Variants in GDF3 observed in about 807,000 individuals in gnomAD.
GDF3 encodes growth differentiation factor 3.
Under a neutral mutation model 10.2 loss-of-function variants are expected in GDF3, and 10 were observed. The observed-to-expected ratio is 0.98, with a 90% CI of 0.60 to 1.66. The LOEUF (loss-of-function observed/expected upper bound fraction) is 1.66. Ranked by LOEUF, GDF3 falls within the 40% of genes most tolerant of loss-of-function variation. The pLI, the probability that GDF3 is intolerant of heterozygous loss-of-function variation, is 0.00. For synonymous variants in GDF3, 166 were observed against 178.5 expected, an observed-to-expected ratio of 0.93 and a Z score of 0.56; for missense variants, 450 against 438.3, an observed-to-expected ratio of 1.03 and a Z score of -0.24.
At chr12:7,690,880 G>C (rs187061802) in intron 1 of GDF3, among the ~76,000 whole-genome samples, 176 bp from the exon 2 acceptor site, 82 of 152,130 alleles carry the variant, frequency 5.4e-4, no homozygotes, top group Non-Finnish European at 1.0e-3. Context: ...CCCCAGGTGC[G>C]GCGGCTCACG....
intron 1 of GDF3, among the ~76,000 whole-genome samples, chr12:7,694,208 C>A (rs1349396838): frequency 6.6e-6 from 1 of 151,980 alleles, no homozygotes; most frequent in African/African-American, 2.4e-5. Flanking sequence ...TCAACTCTTG[C>A]AGAATTTTGC....
chr12:7,694,382 T>C (rs941150365), intron 1 of GDF3, among the ~76,000 whole-genome samples: 7 of 151,698 alleles, frequency 4.6e-5, no homozygotes, highest in African/African-American at 1.7e-4. Flanking sequence ...GGCCAACATA[T>C]AGTGAAACCC....
chr12:7,695,764 CACT>C lies in GDF3; in HGVS notation c.-39_-37del, dbSNP rs1565450527. Reference sequence around the variant, plus strand: ...GTGGCTGTCAGACCGGGGAGAGCTCCACTGCCAGACTGCCCAACAATTCAGAGG... The same window carrying C: ...GTGGCTGTCAGACCGGGGAGAGCTCCGCCAGACTGCCCAACAATTCAGAGG... On this transcript the variant is annotated 5_prime_UTR_variant, in exon 1 of 2. Coordinates refer to ENST00000329913, the MANE Select transcript of GDF3 (RefSeq NM_020634.3). 6.2e-7 allele frequency: 1 copy of C among 1,611,606 alleles called. No homozygotes were observed. The highest frequency in any genetic ancestry group is 1.1e-5 in the South Asian group (1 of 90,840).
chr12:7,695,612 A>C lies in GDF3; in HGVS notation c.117T>G (p.Pro39=). Residue 39 remains proline, a synonymous_variant, in exon 1 of 2, where the codon CCT becomes CCG. Transcript: ENST00000329913. ...FLQFLGLDKA[P]SPQKFQPVPY... ...GCACAGGTTGGAACTTCTGGGGTGA[A>C]GGCGCCTTATCTAAGCCCAGAAATT... The C allele has an allele frequency of 6.2e-7, 1 of 1,614,124 alleles. No homozygotes were observed. Among genetic ancestry groups the C allele is most frequent in the East Asian group, 2.2e-5 (1 of 44,888 alleles).
rs374666455 is a variant in GDF3, at chr12:7,690,578, C to T, written c.395G>A (p.Gly132Glu). ...TCCCAGGTTATAGTAAGAATTGGGCCCCAAGTCCAGGCCCAGCTGGGCCAA... is the reference window on the plus strand; with the variant it reads ...TCCCAGGTTATAGTAAGAATTGGGCTCCAAGTCCAGGCCCAGCTGGGCCAA... ...LTLAQLGLDL[G>E]PNSYYNLGPE... Residue 132 changes from glycine to glutamate, a missense_variant, in exon 2 of 2, where the codon GGG (glycine) becomes GAG (glutamate). Gly to Glu is a moderately conservative substitution (Grantham distance 98). Coordinates refer to ENST00000329913, the MANE Select transcript of GDF3 (RefSeq NM_020634.3). 1.6e-5 allele frequency: 26 copies of T among 1,605,202 alleles called. No homozygotes were observed. Among genetic ancestry groups the T allele is most frequent in the Non-Finnish European group, 2.0e-5 (24 of 1,175,704 alleles).
At chr12:7,692,680 T>G (rs2136877549) in intron 1 of GDF3, among the ~76,000 whole-genome samples, 1 of 152,096 alleles carries the variant, frequency 6.6e-6, no homozygotes. Context: ...CTAATTGTAT[T>G]TTTAGTAGAG....
chr12:7,691,772 C>T lies in GDF3; in HGVS notation c.269-1068G>A, dbSNP rs759568486. ...CCTGTAATCCCAGCACTTTGGGAGG[C>T]CGAGGCGGGCGGATCACGAGATGAG... On this transcript the variant is annotated intron_variant, in intron 1 of 1. Transcript: ENST00000329913. Among the ~76,000 whole-genome samples the T allele has an allele frequency of 6.2e-3, 906 of 145,846 alleles. 15 individuals are homozygous for T. Among genetic ancestry groups the T allele is most frequent in the South Asian group, 0.049 (221 of 4,502 alleles).
intron 1 of GDF3, among the ~76,000 whole-genome samples, chr12:7,691,123 C>G (rs1247994466): frequency 6.7e-6 from 1 of 148,838 alleles, no homozygotes; most frequent in Non-Finnish European, 1.5e-5. Context: ...GCACTCCAGC[C>G]TGGGTGACAG....
intron 1 of GDF3, among the ~76,000 whole-genome samples, chr12:7,693,494 C>T (rs1401207786): frequency 6.6e-6 from 1 of 150,744 alleles, no homozygotes; most frequent in African/African-American, 2.4e-5. Context: ...CCTGCCTCGG[C>T]CTCCCAAAGT....
rs1565448737 is a variant in GDF3 at position 7,690,156 on chromosome 12, A to C, written c.817T>G (p.Phe273Val). The change falls in exon 2 of 2, where the codon TTC becomes GTC. Residue 273 changes from phenylalanine to valine, a missense_variant. By Grantham distance (50) the Phe-to-Val change is conservative (BLOSUM62 -1). Coordinates refer to ENST00000329913, the MANE Select transcript of GDF3 (RefSeq NM_020634.3). ...LCHRHQLFINFRDLGWHKWII... is the reference protein window; with the variant it reads ...LCHRHQLFINVRDLGWHKWII... ...CACTTGTGCCAACCCAGGTCCCGGA[A>C]GTTAATGAATAGCTGGTGACGGTGG... 1 of 1,614,180 alleles carries C rather than the reference A, an allele frequency of 6.2e-7. No homozygotes were observed. The highest frequency in any genetic ancestry group is 8.5e-7 in the Non-Finnish European group (1 of 1,180,042).
Position 7,689,835 on chromosome 12 carries a change from G to C in GDF3, c.*43C>G. 7.8e-7 allele frequency: 1 copy of C among 1,281,472 alleles called. No homozygotes were observed. The highest frequency in any genetic ancestry group is 1.1e-6 in the Non-Finnish European group (1 of 878,392). The allele number at this position is 1,281,472 out of a possible 1,614,324, so 79.4% of individuals were successfully genotyped here. Reference sequence around the variant, plus strand: ...AACCAGATAGGTAGTTTTATTAAAAGATTTACCCTAAGAACACTCCTTCTA... The same window carrying C: ...AACCAGATAGGTAGTTTTATTAAAACATTTACCCTAAGAACACTCCTTCTA... On this transcript the variant is annotated 3_prime_UTR_variant, in exon 2 of 2. Transcript: ENST00000329913.
At position 7,690,085 on chromosome 12, in the gene GDF3, C is replaced by A; in HGVS notation, c.888G>T (p.Glu296Asp). ...KGFMANYCHG[E>D]CPFSLTISLN... ...GAGAGATGGTCAGTGAGAAGGGACA[C>A]TCTCCATGGCAGTAATTTGCCATGA... Residue 296 changes from glutamate (E) to aspartate (D), a missense_variant, in exon 2 of 2, where the codon GAG becomes GAT. Physicochemically the swap from Glu to Asp is conservative, Grantham distance 45. Coordinates refer to ENST00000329913, the MANE Select transcript of GDF3 (RefSeq NM_020634.3). The A allele has an allele frequency of 6.2e-7, 1 of 1,614,106 alleles. No individual in the cohort carries two copies. The highest frequency in any genetic ancestry group is 8.5e-7 in the Non-Finnish European group (1 of 1,180,010).
Position 7,689,846 on chromosome 12 carries a change from A to G in GDF3, c.*32T>C, listed in dbSNP as rs748406454. ...TAGTTTTATTAAAAGATTTACCCTA[A>G]GAACACTCCTTCTATTCCCATTTCT... On this transcript the variant is annotated 3_prime_UTR_variant, in exon 2 of 2. Transcript: ENST00000329913. The G allele has an allele frequency of 2.2e-6, 3 of 1,387,684 alleles. No homozygotes were observed. The highest frequency in any genetic ancestry group is 3.1e-6 in the Non-Finnish European group (3 of 974,142). The allele number at this position is 1,387,684 out of a possible 1,614,324, so 86.0% of individuals were successfully genotyped here.
chr12:7,694,442 C>G (rs1864161780), intron 1 of GDF3, among the ~76,000 whole-genome samples: 1 of 151,760 alleles, frequency 6.6e-6, no homozygotes, highest in Non-Finnish European at 1.5e-5. Flanking sequence ...GGCTTGGTGA[C>G]ACACGCCTGT....
In GDF3 at chr12:7,690,706, TA is replaced by T. The variant is rs1674800404; in HGVS notation, c.269-3del. Reference sequence around the variant, plus strand: ...TTTTCTTTGGGTAAAGAAAGAAACCTAGATGGGAAAAGAGACATGTCAGAGT... The same window carrying T: ...TTTTCTTTGGGTAAAGAAAGAAACCTGATGGGAAAAGAGACATGTCAGAGT... On this transcript the variant is annotated splice_polypyrimidine_tract_variant and splice_region_variant and intron_variant, in intron 1 of 1. Transcript: ENST00000329913. 3 of 1,542,474 alleles carry T rather than the reference TA, an allele frequency of 1.9e-6. No individual in the cohort carries two copies. Among genetic ancestry groups the T allele is most frequent in the Non-Finnish European group, 2.7e-6 (3 of 1,115,120 alleles).
Position 7,690,482 on chromosome 12 carries a change from C to G in GDF3, c.491G>C (p.Gly164Ala), listed in dbSNP as rs1255258259. ...HVWGQTTPKPGKMFVLRSVPW... is the reference protein window; with the variant it reads ...HVWGQTTPKPAKMFVLRSVPW... Reference sequence around the variant, plus strand: ...GACTGACCGCAACACAAACATTTTACCTGGCTTAGGGGTGGTCTGGCCCCA... The same window carrying G: ...GACTGACCGCAACACAAACATTTTAGCTGGCTTAGGGGTGGTCTGGCCCCA... Residue 164 changes from glycine to alanine, a missense_variant, in exon 2 of 2, where the codon GGT (glycine) becomes GCT (alanine). By Grantham distance (60) the Gly-to-Ala change is moderately conservative. Transcript: ENST00000329913. 5.6e-6 allele frequency: 9 copies of G among 1,614,120 alleles called. No homozygotes were observed. Among genetic ancestry groups the G allele is most frequent in the Non-Finnish European group, 7.6e-6 (9 of 1,179,992 alleles).
intron 1 of GDF3, among the ~76,000 whole-genome samples, chr12:7,694,286 G>C (rs777896032): frequency 4.3e-4 from 65 of 152,102 alleles, no homozygotes; most frequent in Non-Finnish European, 8.5e-4. Flanking sequence ...TTCTGGGCTG[G>C]GTGCGGTGGC....
In GDF3 at chr12:7,695,434, T is replaced by C. The variant is rs775922874; in HGVS notation, c.268+27A>G. 3.7e-6 allele frequency: 6 copies of C among 1,607,486 alleles called. No homozygotes were observed. The East Asian group carries it at 8.9e-5, about 24-fold the overall frequency. Reference sequence around the variant, plus strand: ...TTCACACCACCCAGTTCCAGATGTTTTTCTGGATAACACTCTATTTCCTTA... The same window carrying C: ...TTCACACCACCCAGTTCCAGATGTTCTTCTGGATAACACTCTATTTCCTTA... On this transcript the variant is annotated intron_variant, in intron 1 of 1. Transcript: ENST00000329913.
Position 7,690,370 on chromosome 12 carries a change from G to GA in GDF3, c.602dup (p.Leu202ProfsTer9). ...TATCTTCTTTGACCAGTATCTCCAGGAATAACCCGAAATTTTTCCGGGGGT... is the reference window on the plus strand; with the variant it reads ...TATCTTCTTTGACCAGTATCTCCAGGAAATAACCCGAAATTTTTCCGGGGGT... On this transcript the variant is annotated frameshift_variant, in exon 2 of 2. Transcript: ENST00000329913. LOFTEE classifies it low-confidence loss of function (END_TRUNC). The GA allele has an allele frequency of 6.2e-7, 1 of 1,614,028 alleles. No homozygotes were observed. The highest frequency in any genetic ancestry group is 8.5e-7 in the Non-Finnish European group (1 of 1,179,982).
Sources: allele counts gnomAD v4.1 joint callset (sites outside exome capture counted in the v4.1 genomes callset), GRCh38; gene constraint gnomAD v4.1.1; transcripts MANE v1.5; gene names NCBI Gene and HGNC (gene_info 2026-07-23, HGNC 2026-07-21).